Variants in AKTIP observed in about 807,000 individuals in gnomAD.
AKTIP encodes AKT interacting protein.
In AKTIP, 16 loss-of-function variants were observed where a neutral mutation model predicts 39.1. The observed-to-expected ratio is 0.41, with a 90% CI of 0.28 to 0.62. The LOEUF is 0.62. Among genes scored for constraint, AKTIP ranks in the 20% least tolerant of loss-of-function variants. AKTIP has a pLI of 0.32. For synonymous variants in AKTIP, 93 were observed against 124.3 expected (o/e 0.75, Z 1.67); for missense variants, 262 against 356.6 (o/e 0.73, Z 2.14).
chr16:53,495,289 C>T lies in AKTIP; in HGVS notation c.286G>A (p.Val96Met). Residue 96 changes from valine (V) to methionine (M), a missense_variant, in exon 4 of 10, where the codon GTG becomes ATG. Coordinates refer to ENST00000394657, the MANE Select transcript of AKTIP (RefSeq NM_022476.4). ...AATGCAGAGCGATAAGATGGCTGCA[C>T]ATAGACGCCTGGTAGCTTCTGCTTC... ...VVKQKLPGVY[V>M]QPSYRSALMW... The T allele has an allele frequency of 1.2e-6, 2 of 1,614,212 alleles. No homozygotes were observed. The highest frequency in any genetic ancestry group is 1.7e-6 in the Non-Finnish European group (2 of 1,180,038).
rs1462117664 is a variant in AKTIP, at chr16:53,498,611, G to A, written c.43-15C>T. The A allele has an allele frequency of 2.5e-6, 4 of 1,610,936 alleles. No individual in the cohort carries two copies. The highest frequency in any genetic ancestry group is 3.4e-6 in the Non-Finnish European group (4 of 1,177,072). On this transcript the variant is annotated splice_polypyrimidine_tract_variant and intron_variant, in intron 2 of 9. Transcript: ENST00000394657. ...CCTTCAGATCGCTATACAAGATGAAGTTGTAAGAATATCTGTTAGGATGAT... is the reference window on the plus strand; with the variant it reads ...CCTTCAGATCGCTATACAAGATGAAATTGTAAGAATATCTGTTAGGATGAT...
upstream of AKTIP, among the ~76,000 whole-genome samples, chr16:53,503,499 T>C (rs1962314639): frequency 6.6e-6 from 1 of 152,134 alleles, no homozygotes; most frequent in Non-Finnish European, 1.5e-5. Flanking sequence ...GGCCTGTCAG[T>C]CATGGAAGTA....
At chr16:53,496,769 A>C (rs1017593316) in intron 3 of AKTIP, among the ~76,000 whole-genome samples, 3 of 152,060 alleles carry the variant, frequency 2.0e-5, no homozygotes, top group Admixed American at 2.0e-4. Context: ...GGCTCTGAGG[A>C]GGCAGAGGCT....
At chr16:53,496,115 A>G (rs952031330) in intron 3 of AKTIP, among the ~76,000 whole-genome samples, 3 of 152,220 alleles carry the variant, frequency 2.0e-5, no homozygotes, top group Admixed American at 1.3e-4. Flanking sequence ...CCTGGATTCT[A>G]TCAAGAACTA....
chr16:53,494,575 G>C lies in AKTIP; in HGVS notation c.445C>G (p.Pro149Ala), dbSNP rs995013998. ...RLVFDIPVFH[P>A]LVDPTSGELD... ...TCACCTGAGGTGGGATCAACTAGCG[G>C]GTGAAAGACAGGAATATCGAACACC... Residue 149 changes from proline to alanine, a missense_variant, in exon 6 of 10, where the codon CCG becomes GCG. By Grantham distance (27) the Pro-to-Ala change is conservative. Coordinates refer to ENST00000394657, the MANE Select transcript of AKTIP (RefSeq NM_022476.4). 1 of 1,614,112 alleles carries C rather than the reference G, an allele frequency of 6.2e-7. No homozygotes were observed. Among genetic ancestry groups the C allele is most frequent in the Admixed American group, 1.7e-5 (1 of 60,010 alleles).
rs1376764635 is a variant in AKTIP, at chr16:53,492,072, C to T, written c.*340G>A. ...ACAACTGAAACCACTGATTTATAAACTATTAAGTAGTGCTGAATTCTGTCT... is the reference window on the plus strand; with the variant it reads ...ACAACTGAAACCACTGATTTATAAATTATTAAGTAGTGCTGAATTCTGTCT... On this transcript the variant is annotated 3_prime_UTR_variant, in exon 10 of 10. Transcript: ENST00000394657. 4.7e-6 allele frequency: 1 copy of T among 211,600 alleles called. No individual in the cohort carries two copies. The highest frequency in any genetic ancestry group is 9.6e-6 in the Non-Finnish European group (1 of 103,746). The allele number at this position is 211,600 out of a possible 1,614,324, so 13.1% of individuals were successfully genotyped here.
At position 53,492,403 on chromosome 16, in the gene AKTIP, C is replaced by T. The variant is rs768204156; in HGVS notation, c.*9G>A. The T allele has an allele frequency of 6.2e-7, 1 of 1,610,720 alleles. No individual in the cohort carries two copies. Among genetic ancestry groups the T allele is most frequent in the Non-Finnish European group, 8.5e-7 (1 of 1,178,696 alleles). On this transcript the variant is annotated 3_prime_UTR_variant, in exon 10 of 10. Transcript: ENST00000394657. ...AGGAAAGTGCATGGTGCACCAGATT[C>T]ACCATCTCTTAAGTCGCCACTGTTT...
chr16:53,503,258 CGCCCTGCCCTGCCCTGCCCT>C (rs55733330), upstream of AKTIP: 1 of 117,068 alleles, frequency 8.5e-6, no homozygotes, highest in Non-Finnish European at 1.9e-5. Flanking sequence ...CGCCCCACCC[CGCCCTGCCCTGCCCTGCCCT>C]GCCCTCGGCA....
In AKTIP at chr16:53,491,747, C is replaced by CATTT. The variant is rs1464315166; in HGVS notation, c.*661_*664dup. 1.3e-5 allele frequency: 2 copies of CATTT among 152,524 alleles called. No individual in the cohort carries two copies. The highest frequency in any genetic ancestry group is 4.8e-5 in the African/African-American group (2 of 41,402). The allele number at this position is 152,524 out of a possible 1,614,324, so 9.4% of individuals were successfully genotyped here. ...TTTTGTCTCTACTAAACACATTAGT[C>CATTT]ATTTATCATTTAAATACCGGACTTC... is the stretch of plus-strand genomic sequence containing the variant. On this transcript the variant is annotated 3_prime_UTR_variant, in exon 10 of 10. Coordinates refer to ENST00000394657, the MANE Select transcript of AKTIP (RefSeq NM_022476.4).
intron 3 of AKTIP, among the ~76,000 whole-genome samples, chr16:53,497,208 G>A (rs1039521781): frequency 6.6e-6 from 1 of 152,130 alleles, no homozygotes; most frequent in Admixed American, 6.5e-5. Flanking sequence ...TGCCATCTGC[G>A]TCTGTGCAGT....
upstream of AKTIP, among the ~76,000 whole-genome samples, chr16:53,503,985 G>C (rs903203639): frequency 6.6e-5 from 10 of 152,268 alleles, no homozygotes; most frequent in East Asian, 1.4e-3. Flanking sequence ...CTGGGGGGAG[G>C]GGGGAGGCTG....
chr16:53,494,568 A>G lies in AKTIP; in HGVS notation c.452T>C (p.Val151Ala). The G allele has an allele frequency of 6.2e-7, 1 of 1,614,222 alleles. No individual in the cohort carries two copies. Among genetic ancestry groups the G allele is most frequent in the Non-Finnish European group, 8.5e-7 (1 of 1,180,042 alleles). ...ATCCAGCTCACCTGAGGTGGGATCA[A>G]CTAGCGGGTGAAAGACAGGAATATC... ...VFDIPVFHPL[V>A]DPTSGELDVK... The change falls in exon 6 of 10, where the codon GTT becomes GCT. Residue 151 changes from valine to alanine, a missense_variant. Val to Ala is a moderately conservative substitution (Grantham distance 64, BLOSUM62 0). Around this residue, in one of 4 missense-constraint regions of AKTIP, gnomAD observed 25 missense variants for 38.4 expected, o/e 0.65. Coordinates refer to ENST00000394657, the MANE Select transcript of AKTIP (RefSeq NM_022476.4).
At position 53,492,744 on chromosome 16, in the gene AKTIP, T is replaced by C. The variant is rs749751888; in HGVS notation, c.720A>G (p.Pro240=). 1.5e-5 allele frequency: 24 copies of C among 1,613,810 alleles called. No individual in the cohort carries two copies. The East Asian group carries it at 1.6e-4, about 10-fold the overall frequency. ...CTTCATCATGTACAGAAGGATTCCA[T>C]GGAGAAAAGCTTAAGGAAGAGAAAA... The part of the protein sequence containing the change: ...IEDPYAISFS[P]WNPSVHDEAR... The change falls in exon 9 of 10, where the codon CCA becomes CCG. Residue 240 remains proline, a synonymous_variant. Transcript: ENST00000394657.
intron 3 of AKTIP, among the ~76,000 whole-genome samples, 154 bp from the exon 4 acceptor site, chr16:53,495,480 A>C (rs530524485): frequency 1.3e-5 from 2 of 152,318 alleles, no homozygotes; most frequent in Admixed American, 6.5e-5. Context: ...CTCACCTGAC[A>C]CAACTCAGGA....
At chr16:53,500,469 C>T in intron 1 of AKTIP, 140 bp from the exon 2 acceptor site, 1 of 420,590 alleles carries the variant, frequency 2.4e-6, no homozygotes, top group East Asian at 4.8e-5. Context: ...CCTCCACCTC[C>T]TGGGTTCAAG....
intron 1 of AKTIP, chr16:53,502,581 A>AG (rs1962235935): frequency 6.6e-6 from 1 of 152,292 alleles, no homozygotes; most frequent in Non-Finnish European, 1.5e-5. Context: ...AGAAAAAAAA[A>AG]GATGAAAACG....
intron 2 of AKTIP, among the ~76,000 whole-genome samples, chr16:53,499,388 GATGTC>G (rs1302388501): frequency 2.0e-5 from 3 of 151,166 alleles, no homozygotes; most frequent in African/African-American, 7.3e-5. Context: ...GTAAGGAAGA[GATGTC>G]ATGTATATAG....
At chr16:53,492,662 T>TA (rs1961561046) in intron 9 of AKTIP, 31 bp downstream of exon 9, 1 of 1,608,824 alleles carries the variant, frequency 6.2e-7, no homozygotes, top group Non-Finnish European at 8.5e-7. Flanking sequence ...AAACAATGAG[T>TA]TAGCCATTTC....
At chr16:53,495,543 C>G (rs1000443147) in intron 3 of AKTIP, among the ~76,000 whole-genome samples, 1 of 152,188 alleles carries the variant, frequency 6.6e-6, no homozygotes, top group Non-Finnish European at 1.5e-5. Flanking sequence ...CAGCAGCTCA[C>G]AGAGAAACCA....
Sources: gnomAD v4.1 joint callset for allele counts (sites outside exome capture counted in the v4.1 genomes callset) on GRCh38, gnomAD v4.1.1 for gene constraint, gnomAD v4.1.1 regional missense constraint, MANE v1.5 for transcripts, NCBI Gene and HGNC (gene_info 2026-07-23, HGNC 2026-07-21) for gene names.